Variants in CCDC85C observed in about 807,000 individuals in gnomAD.
CCDC85C encodes the protein coiled-coil domain containing 85C.
CCDC85C carries 18 observed loss-of-function variants against 38.3 expected under a neutral mutation model. That is an observed-to-expected ratio of 0.47 (90% confidence interval 0.33 to 0.70). The LOEUF (loss-of-function observed/expected upper bound fraction) is 0.70, where lower values mean the gene tolerates loss of function less well. CCDC85C is among the 30% of genes least tolerant of loss of function. CCDC85C has a pLI of 0.03. For missense variants in CCDC85C, 566 were observed against 621.2 expected, an observed-to-expected ratio of 0.91 and a Z score of 0.94; for synonymous variants, 264 against 293.8, an observed-to-expected ratio of 0.90 and a Z score of 1.04.
In CCDC85C at chr14:99,502,770, C is replaced by G; in HGVS notation, c.*12476G>C. The G allele has an allele frequency of 6.2e-7, 1 of 1,613,700 alleles. No individual in the cohort carries two copies. Among genetic ancestry groups the G allele is most frequent in the Non-Finnish European group, 8.5e-7 (1 of 1,179,700 alleles). Reference sequence around the variant, plus strand: ...TACTCACAAGGAAAACAACAGATGCCTCATCACACCCCCCATCAGCTGCAA... The same window carrying G: ...TACTCACAAGGAAAACAACAGATGCGTCATCACACCCCCCATCAGCTGCAA... On this transcript the variant is annotated 3_prime_UTR_variant, in exon 6 of 6. Coordinates refer to ENST00000380243, the MANE Select transcript of CCDC85C (RefSeq NM_001144995.2).
intron 1 of CCDC85C, among the ~76,000 whole-genome samples, chr14:99,556,485 T>C (rs1170839864): frequency 1.3e-5 from 2 of 152,304 alleles, no homozygotes; most frequent in South Asian, 4.2e-4. Context: ...AATGTTCTGA[T>C]ATTGATCATT....
intron 1 of CCDC85C, among the ~76,000 whole-genome samples, chr14:99,546,235 CG>C (rs1251228912): frequency 6.6e-6 from 1 of 151,778 alleles, no homozygotes; most frequent in Non-Finnish European, 1.5e-5. Flanking sequence ...GCTGGGGGGC[CG>C]GGATGATGCC....
rs1897282585 is a variant in CCDC85C at position 99,520,177 on chromosome 14, T to C, written c.975+1956A>G. Among the ~76,000 whole-genome samples, 1 of 152,114 alleles carries C rather than the reference T, an allele frequency of 6.6e-6. No homozygotes were observed. The highest frequency in any genetic ancestry group is 6.5e-5 in the Admixed American group (1 of 15,274). ...CCTCAATGTGCCCATGACCCACAGG[T>C]AGCCTTAAAGGAGACTTGCCTGGGT... On this transcript the variant is annotated intron_variant, in intron 3 of 5. Coordinates refer to ENST00000380243, the MANE Select transcript of CCDC85C (RefSeq NM_001144995.2). The surrounding 1 kb of genome is among the most constrained non-coding windows in gnomAD (Gnocchi z 4.1).
chr14:99,516,941 T>C lies in CCDC85C; in HGVS notation c.1071+147A>G. On this transcript the variant is annotated intron_variant, in intron 4 of 5. Transcript: ENST00000380243. The surrounding 1 kb of genome is among the most constrained non-coding windows in gnomAD (Gnocchi z 5.5). ...ACCTCTGAGTTCAACCTCACAGTGC[T>C]CCAGGCAGCCATGGTCACCCAGCCA... 1 of 741,916 alleles carries C rather than the reference T, an allele frequency of 1.3e-6. No homozygotes were observed. Among genetic ancestry groups the C allele is most frequent in the South Asian group, 1.6e-5 (1 of 61,870 alleles). 46.0% of individuals were successfully genotyped at this position (741,916 alleles called of 1,614,324 possible).
chr14:99,581,674 T>C (rs1049089114), intron 1 of CCDC85C, among the ~76,000 whole-genome samples: 2 of 152,192 alleles, frequency 1.3e-5, no homozygotes, highest in African/African-American at 4.8e-5. Flanking sequence ...GATTTCTCAA[T>C]GGGCTCGCAG....
rs139769363 is a variant in CCDC85C at position 99,572,349 on chromosome 14, G to T, written c.793+30818C>A. On this transcript the variant is annotated intron_variant, in intron 1 of 5. Transcript: ENST00000380243. The surrounding 1 kb of genome is among the most constrained non-coding windows in gnomAD (Gnocchi z 4.4). ...AAGGAAACTGAAAGCTGTGGCATGT[G>T]GCCTTCCTCACGGGACACTGCGGGC... Among the ~76,000 whole-genome samples, 1 of 152,176 alleles carries T rather than the reference G, an allele frequency of 6.6e-6. No individual in the cohort carries two copies. The highest frequency in any genetic ancestry group is 2.4e-5 in the African/African-American group (1 of 41,452).
Position 99,503,424 on chromosome 14 carries a change from A to C in CCDC85C, c.*11822T>G, listed in dbSNP as rs1896890736. On this transcript the variant is annotated 3_prime_UTR_variant, in exon 6 of 6. Transcript: ENST00000380243. ...GTCTTATTTGGTAAATGGAAAGAGG[A>C]AGGGAGCAGAAATGATGATCTGGTA... is the stretch of plus-strand genomic sequence containing the variant. The C allele has an allele frequency of 1.6e-6, 1 of 608,604 alleles. No homozygotes were observed. The highest frequency in any genetic ancestry group is 2.9e-6 in the Non-Finnish European group (1 of 340,796). 37.7% of individuals were successfully genotyped at this position (608,604 alleles called of 1,614,324 possible). A position where few individuals can be genotyped will look rare whatever the true frequency, so the allele number is the denominator to read the frequency against.
At chr14:99,539,861 G>A (rs1287474019) in intron 1 of CCDC85C, among the ~76,000 whole-genome samples, 1 of 152,072 alleles carries the variant, frequency 6.6e-6, no homozygotes, top group Non-Finnish European at 1.5e-5. Context: ...CAGAAAAAAA[G>A]AATGGCCGGG....
intron 1 of CCDC85C, among the ~76,000 whole-genome samples, chr14:99,573,170 G>A (rs11626005): frequency 0.074 from 11,207 of 152,262 alleles, 500 homozygotes; most frequent in Non-Finnish European, 0.091. Context: ...GAGTCCCCGC[G>A]GGACCTGCTG....
At chr14:99,552,493 C>T (rs1167732296) in intron 1 of CCDC85C, among the ~76,000 whole-genome samples, 1 of 152,228 alleles carries the variant, frequency 6.6e-6, no homozygotes, top group Non-Finnish European at 1.5e-5. Flanking sequence ...CTGCCCAAGC[C>T]TCAGTGTCCC....
Position 99,507,209 on chromosome 14 carries a change from C to A in CCDC85C, c.*8037G>T. ...CATCGCCTCTGAATGTTGGACGCAG[C>A]AGGTCCTGGGAACTTAGAAAAGGGA... On this transcript the variant is annotated 3_prime_UTR_variant, in exon 6 of 6. Coordinates refer to ENST00000380243, the MANE Select transcript of CCDC85C (RefSeq NM_001144995.2). 1.0e-6 allele frequency: 1 copy of A among 993,318 alleles called. No individual in the cohort carries two copies. Among genetic ancestry groups the A allele is most frequent in the Non-Finnish European group, 1.6e-6 (1 of 616,630 alleles). 61.5% of individuals were successfully genotyped at this position (993,318 alleles called of 1,614,324 possible).
At chr14:99,521,844 C>A (rs865832601) in intron 3 of CCDC85C, among the ~76,000 whole-genome samples, 1 of 152,256 alleles carries the variant, frequency 6.6e-6, no homozygotes, top group Non-Finnish European at 1.5e-5. Context: ...CCTCTCCCCA[C>A]CGTGGCCAAG....
intron 1 of CCDC85C, among the ~76,000 whole-genome samples, chr14:99,554,807 T>C (rs979608103): frequency 6.6e-6 from 1 of 152,232 alleles, no homozygotes; most frequent in African/African-American, 2.4e-5. Context: ...GTAGAGTTCA[T>C]GACTCCTGGT....
At chr14:99,583,240 C>T (rs1207042538) in intron 1 of CCDC85C, 1 of 152,212 alleles carries the variant, frequency 6.6e-6, no homozygotes, top group Non-Finnish European at 1.5e-5. Flanking sequence ...GGCATGGTGT[C>T]ACACCTGTAA....
chr14:99,568,750 T>A (rs1157137821), intron 1 of CCDC85C, among the ~76,000 whole-genome samples: 1 of 152,202 alleles, frequency 6.6e-6, no homozygotes, highest in Non-Finnish European at 1.5e-5. Context: ...AGTTGCTTTA[T>A]TATTAGTGGT....
chr14:99,531,607 G>A (rs979447984), intron 2 of CCDC85C, among the ~76,000 whole-genome samples: 2 of 151,304 alleles, frequency 1.3e-5, no homozygotes, highest in Non-Finnish European at 2.9e-5. Flanking sequence ...GGACCGCGGG[G>A]AGTAGGAATC....
In CCDC85C at chr14:99,512,391, C is replaced by T. The variant is rs1185156300; in HGVS notation, c.*2855G>A. The T allele has an allele frequency of 6.6e-6, 1 of 151,390 alleles. No homozygotes were observed. Among genetic ancestry groups the T allele is most frequent in the Admixed American group, 6.6e-5 (1 of 15,232 alleles). 9.4% of individuals were successfully genotyped at this position (151,390 alleles called of 1,614,324 possible). Reference sequence around the variant, plus strand: ...TTTGCCCCACAGTATGAAAAATATACACCTCTACCGCTCTGCAGTCATGCA... The same window carrying T: ...TTTGCCCCACAGTATGAAAAATATATACCTCTACCGCTCTGCAGTCATGCA... On this transcript the variant is annotated 3_prime_UTR_variant, in exon 6 of 6. Transcript: ENST00000380243.
In CCDC85C at chr14:99,510,509, C is replaced by T. The variant is rs1484546597; in HGVS notation, c.*4737G>A. 14 of 766,138 alleles carry T rather than the reference C, an allele frequency of 1.8e-5. No homozygotes were observed. Among genetic ancestry groups the T allele is most frequent in the South Asian group, 1.3e-4 (8 of 61,342 alleles). 47.5% of individuals were successfully genotyped at this position (766,138 alleles called of 1,614,324 possible). A position where few individuals can be genotyped will look rare whatever the true frequency, so the allele number is the denominator to read the frequency against. On this transcript the variant is annotated 3_prime_UTR_variant, in exon 6 of 6. Coordinates refer to ENST00000380243, the MANE Select transcript of CCDC85C (RefSeq NM_001144995.2). ...CGCCCCCGCCACCTGTGCCTCCTCC[C>T]CCAGCCTCCTTCCCCCCACCTGCCA...
rs1047549630 is a variant in CCDC85C at position 99,516,004 on chromosome 14, C to T, written c.1170+184G>A. 3.3e-5 allele frequency among the ~76,000 whole-genome samples: 5 copies of T among 152,112 alleles called. No homozygotes were observed. The highest frequency in any genetic ancestry group is 6.5e-5 in the Admixed American group (1 of 15,282). On this transcript the variant is annotated intron_variant, in intron 5 of 5. Transcript: ENST00000380243. This position sits in a 1 kb window ranked among gnomAD's most constrained non-coding sequence, Gnocchi z 5.5. ...GCCCTCTGGGAAGGGCAGGGGGCAG[C>T]GAGATGACAACGGGCCAGGGCTCCT... is the stretch of plus-strand genomic sequence containing the variant.
Sources: gnomAD v4.1 joint callset for allele counts (sites outside exome capture counted in the v4.1 genomes callset) on GRCh38, gnomAD v4.1.1 for gene constraint, Gnocchi (gnomAD v3.1) non-coding constraint, MANE v1.5 for transcripts, NCBI Gene and HGNC (gene_info 2026-07-23, HGNC 2026-07-21) for gene names.